CDK17: variants seen among roughly 807,000 people sequenced by gnomAD.
CDK17 encodes cyclin-dependent kinase 17.
In CDK17, 24 loss-of-function variants were observed where a neutral mutation model predicts 77.6. The observed-to-expected ratio is 0.31, with a 90% confidence interval of 0.22 to 0.44. The LOEUF is 0.44. CDK17 is among the 20% of genes least tolerant of loss of function. The probability of loss-of-function intolerance (pLI) is 1.00; values close to 1 mark genes in which losing one functional copy is unlikely to be tolerated. For missense variants in CDK17, 429 were observed against 622.5 expected, an observed-to-expected ratio of 0.69 and a Z score of 3.31; for synonymous variants, 203 against 210.4, an observed-to-expected ratio of 0.96 and a Z score of 0.30.
At position 96,278,790 on chromosome 12, in the gene CDK17, TTTAG is replaced by T. The variant is rs1952137034; in HGVS notation, c.*1448_*1451del. ...TTCCAGAATTTTTTAAAATTAAAATTTTAGTATCGTGAAATATTAAAATAACACC... is the reference window on the plus strand; with the variant it reads ...TTCCAGAATTTTTTAAAATTAAAATTTATCGTGAAATATTAAAATAACACC... On this transcript the variant is annotated 3_prime_UTR_variant, in exon 17 of 17. Transcript: ENST00000261211. 1 of 152,488 alleles carries T rather than the reference TTTAG, an allele frequency of 6.6e-6. No individual in the cohort carries two copies. Among genetic ancestry groups the T allele is most frequent in the African/African-American group, 2.4e-5 (1 of 41,424 alleles). 9.4% of individuals were successfully genotyped at this position (152,488 alleles called of 1,614,324 possible).
chr12:96,336,862 C>T lies in CDK17; in HGVS notation c.-29-1997G>A, dbSNP rs117562097. ...CACCTCAGCATCTATTTTCATGAAC[C>T]GAATACAGTATTTTAAAGCCCCTGC... On this transcript the variant is annotated intron_variant, in intron 1 of 16. Coordinates refer to ENST00000261211, the MANE Select transcript of CDK17 (RefSeq NM_002595.5). Among the ~76,000 whole-genome samples, 1,192 of 152,232 alleles carry T rather than the reference C, an allele frequency of 7.8e-3. 5 individuals carry two copies. The highest frequency in any genetic ancestry group is 0.014 in the Middle Eastern group (4 of 294).
chr12:96,286,004 C>A, intron 13 of CDK17, 39 bp downstream of exon 13: 1 of 969,566 alleles, frequency 1.0e-6, no homozygotes, highest in Non-Finnish European at 1.7e-6. Context: ...TGAAAAGAAT[C>A]ATGTGTTTTC....
At chr12:96,367,820 A>T (rs571038117) in intron 1 of CDK17, among the ~76,000 whole-genome samples, 1 of 151,646 alleles carries the variant, frequency 6.6e-6, no homozygotes, top group East Asian at 2.0e-4. Flanking sequence ...GTTCAAGACC[A>T]GCCTGGACAA....
intron 10 of CDK17, among the ~76,000 whole-genome samples, chr12:96,291,634 T>C (rs1236437203): frequency 6.8e-6 from 1 of 146,076 alleles, no homozygotes; most frequent in Non-Finnish European, 1.5e-5. Flanking sequence ...TTTGCTTTTT[T>C]TTTTTTTTTT....
chr12:96,344,852 A>G (rs774370405), intron 1 of CDK17, among the ~76,000 whole-genome samples: 2 of 152,122 alleles, frequency 1.3e-5, no homozygotes, highest in Admixed American at 6.5e-5. Context: ...GTTCTGGGGT[A>G]TATGTGCAAG....
intron 11 of CDK17, among the ~76,000 whole-genome samples, chr12:96,287,576 T>C (rs1051377537): frequency 2.0e-5 from 3 of 151,964 alleles, no homozygotes; most frequent in Non-Finnish European, 4.4e-5. Flanking sequence ...AGAACTGAAA[T>C]CAGGCCAATG....
chr12:96,313,013 T>C (rs1952664037), intron 4 of CDK17, among the ~76,000 whole-genome samples: 1 of 152,232 alleles, frequency 6.6e-6, no homozygotes, highest in Admixed American at 6.5e-5. Flanking sequence ...TCATTCTGTA[T>C]TTCCAGAATT....
chr12:96,301,561 T>C (rs893805022), intron 5 of CDK17, among the ~76,000 whole-genome samples: 5 of 152,152 alleles, frequency 3.3e-5, no homozygotes, highest in African/African-American at 1.2e-4. Context: ...AGTACCCCTT[T>C]ATAGATAATG....
intron 3 of CDK17, among the ~76,000 whole-genome samples, chr12:96,318,126 A>G (rs984385083): frequency 6.7e-6 from 1 of 148,500 alleles, no homozygotes; most frequent in African/African-American, 2.5e-5. Flanking sequence ...AATGGAAAAC[A>G]AAAAAAAGCA....
intron 7 of CDK17, among the ~76,000 whole-genome samples, chr12:96,298,005 T>C (rs1239215754): frequency 6.6e-6 from 1 of 151,848 alleles, no homozygotes; most frequent in Non-Finnish European, 1.5e-5. Context: ...AAAATGTTCA[T>C]GGAGGCTGGG....
At chr12:96,341,406 TC>T (rs1953121153) in intron 1 of CDK17, among the ~76,000 whole-genome samples, 1 of 152,024 alleles carries the variant, frequency 6.6e-6, no homozygotes, top group Admixed American at 6.6e-5. Flanking sequence ...CAAAAACACT[TC>T]TAGCTTTTTG....
chr12:96,281,331 C>T (rs1952175613), intron 15 of CDK17, among the ~76,000 whole-genome samples: 2 of 152,230 alleles, frequency 1.3e-5, no homozygotes, highest in African/African-American at 4.8e-5. Context: ...CCATAACTGC[C>T]TACCTCAAAG....
chr12:96,350,801 A>AT (rs1473087765), intron 1 of CDK17, among the ~76,000 whole-genome samples: 1 of 152,178 alleles, frequency 6.6e-6, no homozygotes, highest in African/African-American at 2.4e-5. Context: ...GGATTTCACA[A>AT]TGATTTCTTA....
chr12:96,305,053 A>G (rs925100865), intron 5 of CDK17, among the ~76,000 whole-genome samples: 2 of 152,230 alleles, frequency 1.3e-5, no homozygotes, highest in Admixed American at 1.3e-4. Context: ...ACTCAGTCTC[A>G]CAAAACTTCC....
chr12:96,297,527 A>C, intron 8 of CDK17, 100 bp downstream of exon 8: 1 of 880,594 alleles, frequency 1.1e-6, no homozygotes, highest in Non-Finnish European at 1.8e-6. Context: ...TTAGCTAAGC[A>C]CAGCTGCAGT....
rs1439020785 is a variant in CDK17, at chr12:96,283,595, T to G, written c.1365+8A>C. On this transcript the variant is annotated splice_region_variant and intron_variant, in intron 14 of 16. Coordinates refer to ENST00000261211, the MANE Select transcript of CDK17 (RefSeq NM_002595.5). ...CCTATTTAACAATTACTGTAAGAACTGACTTACCTGAAGAAATTTTGTTAT... is the reference window on the plus strand; with the variant it reads ...CCTATTTAACAATTACTGTAAGAACGGACTTACCTGAAGAAATTTTGTTAT... 1 of 1,569,638 alleles carries G rather than the reference T, an allele frequency of 6.4e-7. No homozygotes were observed. The highest frequency in any genetic ancestry group is 2.2e-5 in the East Asian group (1 of 44,548).
At chr12:96,374,582 C>T (rs981327021) in intron 1 of CDK17, among the ~76,000 whole-genome samples, 2 of 152,212 alleles carry the variant, frequency 1.3e-5, no homozygotes, top group African/African-American at 4.8e-5. Context: ...ATCCCATTCT[C>T]TGACCTCTTG....
At chr12:96,294,937 A>G in intron 10 of CDK17, 62 bp downstream of exon 10, 1 of 1,399,646 alleles carries the variant, frequency 7.1e-7, no homozygotes, top group South Asian at 1.4e-5. Flanking sequence ...ACAGTGGTTG[A>G]TCTTTTAACC....
chr12:96,376,376 G>C (rs1343727390), intron 1 of CDK17, among the ~76,000 whole-genome samples: 3 of 152,118 alleles, frequency 2.0e-5, no homozygotes, highest in Non-Finnish European at 4.4e-5. Context: ...ACTTAAACCA[G>C]ACTCCAAAAC....
Sources: gnomAD v4.1 joint callset for allele counts (sites outside exome capture counted in the v4.1 genomes callset) on GRCh38, gnomAD v4.1.1 for gene constraint, MANE v1.5 for transcripts, NCBI Gene and HGNC (gene_info 2026-07-23, HGNC 2026-07-21) for gene names.